Variants in RMDN3 observed in about 807,000 individuals in gnomAD.
RMDN3 encodes regulator of microtubule dynamics protein 3.
A neutral mutation model predicts 61.8 loss-of-function variants in RMDN3; 41 were observed. The ratio of observed to expected loss-of-function variants is 0.66; its 90% CI spans 0.52 to 0.86. RMDN3 has a LOEUF of 0.86. Among genes scored for constraint, RMDN3 ranks in the 40% least tolerant of loss-of-function variants. The pLI is 0.00. For synonymous variants in RMDN3, 247 were observed against 232.0 expected (o/e 1.06, Z -0.59); for missense variants, 557 against 585.3 (o/e 0.95, Z 0.50).
intron 8 of RMDN3, 49 bp from the exon 9 acceptor site, chr15:40,738,091 A>C: frequency 6.3e-7 from 1 of 1,593,832 alleles, no homozygotes; most frequent in Non-Finnish European, 8.6e-7. Context: ...CAGAGTTGCT[A>C]AAAGAGAGGC....
At chr15:40,745,821 C>G (rs1897517208) in intron 4 of RMDN3, among the ~76,000 whole-genome samples, 1 of 152,168 alleles carries the variant, frequency 6.6e-6, no homozygotes, top group Admixed American at 6.5e-5. Flanking sequence ...GAGACACTTG[C>G]CACAACCAAC....
intron 2 of RMDN3, among the ~76,000 whole-genome samples, chr15:40,753,405 G>C (rs1465571565): frequency 6.6e-6 from 1 of 152,060 alleles, no homozygotes; most frequent in Non-Finnish European, 1.5e-5. Context: ...CCAGCTACTC[G>C]GGAGGCTGAG....
In RMDN3 at chr15:40,737,359, G is replaced by C; in HGVS notation, c.1225-18C>G. The C allele has an allele frequency of 1.2e-6, 2 of 1,610,242 alleles. No homozygotes were observed. Among genetic ancestry groups the C allele is most frequent in the Non-Finnish European group, 1.7e-6 (2 of 1,176,492 alleles). On this transcript the variant is annotated intron_variant, in intron 10 of 12. Transcript: ENST00000338376. ...TCTTCAGCCTGGGAAAAGGGACAAA[G>C]ATATTTCAGTAAGAGGTTCCTATAT...
chr15:40,754,590 C>A lies in RMDN3; in HGVS notation c.187+7G>T, dbSNP rs1439557751. 2 of 1,607,838 alleles carry A rather than the reference C, an allele frequency of 1.2e-6. No homozygotes were observed. The highest frequency in any genetic ancestry group is 8.5e-7 in the Non-Finnish European group (1 of 1,176,180). On this transcript the variant is annotated splice_region_variant and intron_variant, in intron 2 of 12. Coordinates refer to ENST00000338376, the MANE Select transcript of RMDN3 (RefSeq NM_018145.3). ...AGTGACCGCGGTCTCAGGAGACGGGCTCCTACCGTGGCGTCCGGGATCTGA... is the reference window on the plus strand; with the variant it reads ...AGTGACCGCGGTCTCAGGAGACGGGATCCTACCGTGGCGTCCGGGATCTGA...
intron 4 of RMDN3, among the ~76,000 whole-genome samples, chr15:40,750,519 T>G (rs1393706782): frequency 6.6e-6 from 1 of 152,080 alleles, no homozygotes; most frequent in East Asian, 1.9e-4. Flanking sequence ...TCTTGCTGCC[T>G]TGTCCAGGAT....
At chr15:40,736,727 TAGCCTGG>T in intron 12 of RMDN3, 133 bp from the exon 13 acceptor site, 1 of 742,058 alleles carries the variant, frequency 1.3e-6, no homozygotes, top group Admixed American at 2.6e-5. Flanking sequence ...TTCCCCAGGA[TAGCCTGG>T]AGCCTATTAA....
At chr15:40,745,967 G>T (rs1326907985) in intron 4 of RMDN3, among the ~76,000 whole-genome samples, 1 of 152,296 alleles carries the variant, frequency 6.6e-6, no homozygotes, top group African/African-American at 2.4e-5. Context: ...AAGGGTGTGA[G>T]GAGAGGTGAT....
At chr15:40,753,623 C>A (rs938771842) in intron 2 of RMDN3, among the ~76,000 whole-genome samples, 49 of 152,338 alleles carry the variant, frequency 3.2e-4, no homozygotes, top group Non-Finnish European at 2.6e-4. Context: ...AATGAATTGA[C>A]AAATCTGCAA....
At position 40,737,330 on chromosome 15, in the gene RMDN3, T is replaced by C. The variant is rs1897096170; in HGVS notation, c.1236A>G (p.Leu412=). 1.9e-6 allele frequency: 3 copies of C among 1,613,566 alleles called. No homozygotes were observed. Among genetic ancestry groups the C allele is most frequent in the African/African-American group, 2.7e-5 (2 of 74,932 alleles). Residue 412 remains leucine (L), a synonymous_variant, in exon 11 of 13, where the codon CTA becomes CTG. Transcript: ENST00000338376. ...ALQSFLKAEE[L]QPGFSKAGRV... The stretch of plus-strand genomic sequence containing the variant: ...TTCCTGCTTTGGAAAATCCTGGCTG[T>C]AGTTCTTCAGCCTGGGAAAAGGGAC...
chr15:40,747,425 C>T lies in RMDN3; in HGVS notation c.525-2166G>A, dbSNP rs150546588. 8.8e-4 allele frequency among the ~76,000 whole-genome samples: 134 copies of T among 152,322 alleles called. 1 individual carries two copies. Among genetic ancestry groups the T allele is most frequent in the African/African-American group, 3.1e-3 (127 of 41,564 alleles). On this transcript the variant is annotated intron_variant, in intron 4 of 12. Transcript: ENST00000338376. Reference sequence around the variant, plus strand: ...CAGGGAAGCTGGCATAGAAAGTAGACTTTAATTGCATCTCAGCCCCACTTT... The same window carrying T: ...CAGGGAAGCTGGCATAGAAAGTAGATTTTAATTGCATCTCAGCCCCACTTT...
intron 2 of RMDN3, among the ~76,000 whole-genome samples, chr15:40,752,643 G>T (rs924154595): frequency 6.6e-6 from 1 of 152,100 alleles, no homozygotes; most frequent in African/African-American, 2.4e-5. Flanking sequence ...GTTTCTCCCA[G>T]AACTTCATTT....
At chr15:40,736,670 G>C in intron 12 of RMDN3, 76 bp from the exon 13 acceptor site, 2 of 1,298,914 alleles carry the variant, frequency 1.5e-6, no homozygotes, top group Non-Finnish European at 2.2e-6. Context: ...CCTAAGAAGA[G>C]GGGCCCTTTG....
intron 4 of RMDN3, among the ~76,000 whole-genome samples, chr15:40,749,125 A>G (rs2141921389): frequency 6.6e-6 from 1 of 151,456 alleles, no homozygotes; most frequent in Non-Finnish European, 1.5e-5. Context: ...CTGGTCTTGA[A>G]CTCCTGATCT....
At chr15:40,738,409 G>A in intron 8 of RMDN3, 92 bp downstream of exon 8, 1 of 1,168,026 alleles carries the variant, frequency 8.6e-7, no homozygotes, top group Non-Finnish European at 1.3e-6. Context: ...GCAAGTCACT[G>A]AGGCTGTAGA....
At chr15:40,750,210 GTTTTTTTT>G (rs10586666) in intron 4 of RMDN3, among the ~76,000 whole-genome samples, 1,929 of 89,724 alleles carry the variant, frequency 0.021, 53 homozygotes, top group African/African-American at 0.078. Flanking sequence ...TGCCCAGCTC[GTTTTTTTT>G]TTTTTTTTTT....
intron 6 of RMDN3, 76 bp from the exon 7 acceptor site, chr15:40,740,269 A>G (rs1255882258): frequency 3.0e-6 from 3 of 986,340 alleles, no homozygotes; most frequent in Admixed American, 3.9e-5. Context: ...GGGAAGAATG[A>G]CTGCTTTAGC....
chr15:40,751,922 A>G (rs1315279267), intron 3 of RMDN3, 64 bp downstream of exon 3: 5 of 1,539,140 alleles, frequency 3.2e-6, no homozygotes, highest in Non-Finnish European at 4.4e-6. Flanking sequence ...CGAAGGCCAG[A>G]ACACACCCCA....
At chr15:40,746,931 G>C (rs1567066654) in intron 4 of RMDN3, among the ~76,000 whole-genome samples, 2 of 151,456 alleles carry the variant, frequency 1.3e-5, no homozygotes, top group Non-Finnish European at 2.9e-5. Context: ...AGTGTCATTA[G>C]ATTTCGTAAC....
chr15:40,751,298 G>A, intron 4 of RMDN3, 128 bp downstream of exon 4: 1 of 1,166,004 alleles, frequency 8.6e-7, no homozygotes, highest in Non-Finnish European at 1.2e-6. Flanking sequence ...CAACTCTTCT[G>A]TATTTATTAT....
Sources: allele counts gnomAD v4.1 joint callset (sites outside exome capture counted in the v4.1 genomes callset), GRCh38; gene constraint gnomAD v4.1.1; transcripts MANE v1.5; gene names NCBI Gene and HGNC (gene_info 2026-07-23, HGNC 2026-07-21).